ARID5A: variants seen among roughly 807,000 people sequenced by gnomAD.
The protein encoded by ARID5A is AT-rich interactive domain-containing protein 5A.
In ARID5A, 14 loss-of-function variants were observed where a neutral mutation model predicts 30.5. The ratio of observed to expected loss-of-function variants is 0.46; its 90% CI spans 0.30 to 0.72. ARID5A has a LOEUF of 0.72. ARID5A is among the 30% of genes least tolerant of loss of function. The pLI, the probability that ARID5A is intolerant of heterozygous loss-of-function variation, is 0.07. For synonymous variants in ARID5A, 338 were observed against 340.4 expected (o/e 0.99, Z 0.08); for missense variants, 669 against 786.2 (o/e 0.85, Z 1.78).
Position 96,552,430 on chromosome 2 carries a change from T to TGGCTGGGCAGCCTGGCACAAGTGAAGA in ARID5A, c.*118_*144dup. 6.4e-7 allele frequency: 1 copy of TGGCTGGGCAGCCTGGCACAAGTGAAGA among 1,558,696 alleles called. No individual in the cohort carries two copies. Among genetic ancestry groups the TGGCTGGGCAGCCTGGCACAAGTGAAGA allele is most frequent in the Non-Finnish European group, 8.7e-7 (1 of 1,153,794 alleles). On this transcript the variant is annotated 3_prime_UTR_variant, in exon 7 of 7. Transcript: ENST00000357485. ...ACCCAGGACACCCGGGCCATGCCCC[T>TGGCTGGGCAGCCTGGCACAAGTGAAGA]GGCTGGGCAGCCTGGCACAAGTGAA...
In ARID5A at chr2:96,550,165, G is replaced by A. The variant is rs965649592; in HGVS notation, c.313-23G>A. 15 of 1,532,810 alleles carry A rather than the reference G, an allele frequency of 9.8e-6. No individual in the cohort carries two copies. Among genetic ancestry groups the A allele is most frequent in the African/African-American group, 1.4e-5 (1 of 72,578 alleles). 95.0% of individuals were successfully genotyped at this position (1,532,810 alleles called of 1,614,324 possible). ...CCGCCAGGGGGCGCCCGCCGGCCGC[G>A]CCCTCACGAGGTGCCCTTGCAGGTG... is the stretch of plus-strand genomic sequence containing the variant. On this transcript the variant is annotated intron_variant, in intron 4 of 6. Coordinates refer to ENST00000357485, the MANE Select transcript of ARID5A (RefSeq NM_212481.3). This position sits in a 1 kb window ranked among gnomAD's most constrained non-coding sequence, Gnocchi z 6.6.
At position 96,551,536 on chromosome 2, in the gene ARID5A, A is replaced by C. The variant is rs1354894450; in HGVS notation, c.1008A>C (p.Ala336=). The C allele has an allele frequency of 6.2e-7, 1 of 1,605,736 alleles. No individual in the cohort carries two copies. Among genetic ancestry groups the C allele is most frequent in the Admixed American group, 1.7e-5 (1 of 59,260 alleles). ...AGGCGCAGGCAGGCCCCTGCCCGGC[A>C]GCCCCCATCTTCAAGGGCTGCTTCT... The part of the protein sequence containing the change: ...REEAQAGPCP[A]APIFKGCFYT... The change falls in exon 7 of 7, where the codon GCA becomes GCC. Residue 336 remains alanine, a synonymous_variant. Coordinates refer to ENST00000357485, the MANE Select transcript of ARID5A (RefSeq NM_212481.3).
At position 96,550,985 on chromosome 2, in the gene ARID5A, A is replaced by C. The variant is rs2066028151; in HGVS notation, c.571-114A>C. The C allele has an allele frequency of 7.6e-7, 1 of 1,317,714 alleles. No homozygotes were observed. The highest frequency in any genetic ancestry group is 1.0e-6 in the Non-Finnish European group (1 of 959,252). The allele number at this position is 1,317,714 out of a possible 1,614,324, so 81.6% of individuals were successfully genotyped here. A position where few individuals can be genotyped will look rare whatever the true frequency, so the allele number is the denominator to read the frequency against. ...GGCACCTTTGGAAAATTCTGTACAGAGGACTGCAGGGGCTGGCGGGGGACC... is the reference window on the plus strand; with the variant it reads ...GGCACCTTTGGAAAATTCTGTACAGCGGACTGCAGGGGCTGGCGGGGGACC... On this transcript the variant is annotated intron_variant, in intron 6 of 6. Coordinates refer to ENST00000357485, the MANE Select transcript of ARID5A (RefSeq NM_212481.3). The surrounding 1 kb of genome is among the most constrained non-coding windows in gnomAD (Gnocchi z 6.6).
At position 96,551,717 on chromosome 2, in the gene ARID5A, T is replaced by C; in HGVS notation, c.1189T>C (p.Ser397Pro). Residue 397 changes from serine (S) to proline (P), a missense_variant, in exon 7 of 7, where the codon TCT becomes CCT. Ser to Pro is a moderately conservative substitution (Grantham distance 74, BLOSUM62 -1). Coordinates refer to ENST00000357485, the MANE Select transcript of ARID5A (RefSeq NM_212481.3). ...LVWGGDANRP[S>P]AFHKGGSRKG... is the part of the protein sequence containing the mutation. ...GTGGGGCGGAGACGCTAACCGCCCTTCTGCGTTCCATAAAGGTGGCTCCAG... is the reference window on the plus strand; with the variant it reads ...GTGGGGCGGAGACGCTAACCGCCCTCCTGCGTTCCATAAAGGTGGCTCCAG... The C allele has an allele frequency of 6.6e-7, 1 of 1,519,108 alleles. No homozygotes were observed. The highest frequency in any genetic ancestry group is 1.3e-5 in the South Asian group (1 of 75,446). 94.1% of individuals were successfully genotyped at this position (1,519,108 alleles called of 1,614,324 possible).
chr2:96,548,391 G>T (rs904532216), intron 2 of ARID5A, among the ~76,000 whole-genome samples: 3 of 152,006 alleles, frequency 2.0e-5, no homozygotes, highest in East Asian at 1.9e-4. Flanking sequence ...TCAGCCTCCC[G>T]AGTAGCTGGG....
chr2:96,538,923 C>T (rs991758579), intron 1 of ARID5A, among the ~76,000 whole-genome samples: 2 of 152,130 alleles, frequency 1.3e-5, no homozygotes, highest in African/African-American at 4.8e-5. Flanking sequence ...GTGTGTGCCT[C>T]CAGCAGACCC....
intron 1 of ARID5A, among the ~76,000 whole-genome samples, chr2:96,542,540 G>T (rs1025107654): frequency 2.0e-5 from 3 of 152,118 alleles, no homozygotes; most frequent in Non-Finnish European, 4.4e-5. Flanking sequence ...GGCCCCTCTC[G>T]CCCTGTGGCT....
chr2:96,541,656 G>A (rs2065847505), intron 1 of ARID5A, among the ~76,000 whole-genome samples: 1 of 152,240 alleles, frequency 6.6e-6, no homozygotes, highest in South Asian at 2.1e-4. Flanking sequence ...GATTCCAGAT[G>A]TGTTACAAGT....
In ARID5A at chr2:96,549,172, A is replaced by T; in HGVS notation, c.121-149A>T. ...GTGTCTGCCGAACCCAGGAACAGTC[A>T]CTCCCTCCCAGAACAGTGGCTAGGT... On this transcript the variant is annotated intron_variant, in intron 2 of 6. Transcript: ENST00000357485. This position sits in a 1 kb window ranked among gnomAD's most constrained non-coding sequence, Gnocchi z 6.1. 7.0e-7 allele frequency: 1 copy of T among 1,433,388 alleles called. No individual in the cohort carries two copies. Among genetic ancestry groups the T allele is most frequent in the Non-Finnish European group, 9.3e-7 (1 of 1,070,654 alleles). 88.8% of individuals were successfully genotyped at this position (1,433,388 alleles called of 1,614,324 possible).
In ARID5A at chr2:96,539,317, C is replaced by A. The variant is rs547859543; in HGVS notation, c.4+2487C>A. ...CTCTTGGCCCACTTTCATCTGCTTCCAGCTTGATGTCTGGCAGGGCAGGGG... is the reference window on the plus strand; with the variant it reads ...CTCTTGGCCCACTTTCATCTGCTTCAAGCTTGATGTCTGGCAGGGCAGGGG... On this transcript the variant is annotated intron_variant, in intron 1 of 6. Transcript: ENST00000357485. The surrounding 1 kb of genome is among the most constrained non-coding windows in gnomAD (Gnocchi z 4.7). Among the ~76,000 whole-genome samples the A allele has an allele frequency of 1.3e-5, 2 of 152,234 alleles. No homozygotes were observed. Among genetic ancestry groups the A allele is most frequent in the Non-Finnish European group, 2.9e-5 (2 of 68,034 alleles).
chr2:96,549,585 C>T lies in ARID5A; in HGVS notation c.259+126C>T, dbSNP rs2065989811. ...GATAGAAAGGAGGCCTCCCTCCAGG[C>T]TGCCACTGGGCCAGGGGTGCACAGG... On this transcript the variant is annotated intron_variant, in intron 3 of 6. Transcript: ENST00000357485. This position sits in a 1 kb window ranked among gnomAD's most constrained non-coding sequence, Gnocchi z 6.1. 1.3e-6 allele frequency: 2 copies of T among 1,482,522 alleles called. No individual in the cohort carries two copies. Among genetic ancestry groups the T allele is most frequent in the Admixed American group, 1.8e-5 (1 of 54,700 alleles). The allele number at this position is 1,482,522 out of a possible 1,614,324, so 91.8% of individuals were successfully genotyped here.
chr2:96,549,792 G>A lies in ARID5A; in HGVS notation c.299G>A (p.Gly100Glu), dbSNP rs1404379481. ...WKIYKAVEKLGAYELVTGRRL... is the reference protein window; with the variant it reads ...WKIYKAVEKLEAYELVTGRRL... ...ATCTACAAAGCAGTGGAGAAGCTGG[G>A]GGCCTATGAGCTGGTAAGGAAGGCA... Residue 100 changes from glycine (G) to glutamate (E), a missense_variant, in exon 4 of 7, where the codon GGG (glycine) becomes GAG (glutamate). Coordinates refer to ENST00000357485, the MANE Select transcript of ARID5A (RefSeq NM_212481.3). This position sits in a 1 kb window ranked among gnomAD's most constrained non-coding sequence, Gnocchi z 6.1. 1 of 1,613,352 alleles carries A rather than the reference G, an allele frequency of 6.2e-7. No homozygotes were observed. The highest frequency in any genetic ancestry group is 2.2e-5 in the East Asian group (1 of 44,874).
intron 1 of ARID5A, among the ~76,000 whole-genome samples, chr2:96,544,106 G>A (rs757985247): frequency 7.2e-5 from 11 of 152,224 alleles, no homozygotes; most frequent in African/African-American, 1.7e-4. Flanking sequence ...AGAGAGGTGA[G>A]GAAGCTGCAG....
rs1558620325 is a variant in ARID5A at position 96,550,327 on chromosome 2, G to A, written c.410+42G>A. ...CCGGGTGCTGGACGCCGCCTACCCT[G>A]CGGGGCTTTGGCCGACCTTGCCGGG... On this transcript the variant is annotated intron_variant, in intron 5 of 6. Transcript: ENST00000357485. This position sits in a 1 kb window ranked among gnomAD's most constrained non-coding sequence, Gnocchi z 6.6. The A allele has an allele frequency of 7.0e-7, 1 of 1,426,284 alleles. No individual in the cohort carries two copies. The highest frequency in any genetic ancestry group is 9.1e-7 in the Non-Finnish European group (1 of 1,097,846). 88.4% of individuals were successfully genotyped at this position (1,426,284 alleles called of 1,614,324 possible).
rs1183015271 is a variant in ARID5A, at chr2:96,537,828, G to A, written c.4+998G>A. ...GCTTGCGCGGTGCAGGACCCCCGAG[G>A]GCCCAGGGGGTCCCAAGGCGCTGCG... On this transcript the variant is annotated intron_variant, in intron 1 of 6. Coordinates refer to ENST00000357485, the MANE Select transcript of ARID5A (RefSeq NM_212481.3). The surrounding 1 kb of genome is among the most constrained non-coding windows in gnomAD (Gnocchi z 4.8). 5 of 978,556 alleles carry A rather than the reference G, an allele frequency of 5.1e-6. No individual in the cohort carries two copies. In the African/African-American group the frequency reaches 5.3e-5, roughly 10 times the overall value. The allele number at this position is 978,556 out of a possible 1,614,324, so 60.6% of individuals were successfully genotyped here.
intron 1 of ARID5A, among the ~76,000 whole-genome samples, chr2:96,544,973 C>G (rs931867618): frequency 2.0e-5 from 3 of 152,122 alleles, no homozygotes; most frequent in Non-Finnish European, 4.4e-5. Flanking sequence ...GGAGAAGACA[C>G]TGCAGATGCA....
chr2:96,549,729 C>A lies in ARID5A; in HGVS notation c.260-24C>A. On this transcript the variant is annotated intron_variant, in intron 3 of 6. Transcript: ENST00000357485. This position sits in a 1 kb window ranked among gnomAD's most constrained non-coding sequence, Gnocchi z 6.1. ...CCCCACCTCCCACAGAGACTGACGG[C>A]CAGCCTGCTCTTCTCTCCCCCAGTT... 1 of 1,613,928 alleles carries A rather than the reference C, an allele frequency of 6.2e-7. No homozygotes were observed. The highest frequency in any genetic ancestry group is 1.1e-5 in the South Asian group (1 of 91,074).
rs1248205390 is a variant in ARID5A at position 96,550,466 on chromosome 2, G to A, written c.411-108G>A. On this transcript the variant is annotated intron_variant, in intron 5 of 6. Coordinates refer to ENST00000357485, the MANE Select transcript of ARID5A (RefSeq NM_212481.3). This position sits in a 1 kb window ranked among gnomAD's most constrained non-coding sequence, Gnocchi z 6.6. ...GGGAGCTGAAGCTTTGGGACCAGGA[G>A]AGGGCCTTCCTCGGCGCCGGCGGGG... 5 of 1,462,926 alleles carry A rather than the reference G, an allele frequency of 3.4e-6. No homozygotes were observed. The highest frequency in any genetic ancestry group is 2.5e-5 in the East Asian group (1 of 40,018). 90.6% of individuals were successfully genotyped at this position (1,462,926 alleles called of 1,614,324 possible). A position where few individuals can be genotyped will look rare whatever the true frequency, so the allele number is the denominator to read the frequency against.
At chr2:96,548,665 C>T (rs2065971417) in intron 2 of ARID5A, among the ~76,000 whole-genome samples, 1 of 152,218 alleles carries the variant, frequency 6.6e-6, no homozygotes. Context: ...AGGGTATGGG[C>T]CCTAGGCTCT....
Sources: allele counts gnomAD v4.1 joint callset (sites outside exome capture counted in the v4.1 genomes callset), GRCh38; gene constraint gnomAD v4.1.1; non-coding constraint Gnocchi (gnomAD v3.1); transcripts MANE v1.5; gene names NCBI Gene and HGNC (gene_info 2026-07-23, HGNC 2026-07-21).